SLC16A12: variants seen among roughly 807,000 people sequenced by gnomAD.
SLC16A12 encodes monocarboxylate transporter 12.
Under a neutral mutation model 42.4 loss-of-function variants are expected in SLC16A12, and 17 were observed. The ratio of observed to expected loss-of-function variants is 0.40; its 90% confidence interval spans 0.27 to 0.60. The LOEUF (loss-of-function observed/expected upper bound fraction) is 0.60, where lower values mean the gene tolerates loss of function less well. SLC16A12 is among the 20% of genes least tolerant of loss of function. The pLI is 0.42. For missense variants in SLC16A12, 544 were observed against 623.0 expected (o/e 0.87, Z 1.35); for synonymous variants, 224 against 229.4 (o/e 0.98, Z 0.21).
rs1841705318 is a variant in SLC16A12, at chr10:89,432,228, G to T, written c.*836C>A. 1 of 152,604 alleles carries T rather than the reference G, an allele frequency of 6.6e-6. No homozygotes were observed. The highest frequency in any genetic ancestry group is 2.1e-4 in the South Asian group (1 of 4,832). 9.5% of individuals were successfully genotyped at this position (152,604 alleles called of 1,614,324 possible). A position where few individuals can be genotyped will look rare whatever the true frequency, so the allele number is the denominator to read the frequency against. ...TTGACATTTCAGGTAAGATTGAGAGGTTGTCCTTGTGACTAAGTGTGTTCT... is the reference window on the plus strand; with the variant it reads ...TTGACATTTCAGGTAAGATTGAGAGTTTGTCCTTGTGACTAAGTGTGTTCT... On this transcript the variant is annotated 3_prime_UTR_variant, in exon 8 of 8. Transcript: ENST00000371790.
At chr10:89,472,770 G>A (rs1842520801) in intron 2 of SLC16A12, among the ~76,000 whole-genome samples, 1 of 151,544 alleles carries the variant, frequency 6.6e-6, no homozygotes, top group Admixed American at 6.6e-5. Flanking sequence ...TAGGATTACA[G>A]GTGTGAGCCA....
At chr10:89,527,520 G>T (rs1173743461) in intron 2 of SLC16A12, among the ~76,000 whole-genome samples, 2 of 151,702 alleles carry the variant, frequency 1.3e-5, no homozygotes, top group Non-Finnish European at 2.9e-5. Context: ...TAAGGGGCTG[G>T]CATGGTAGCT....
At chr10:89,517,863 C>A (rs745921148) in intron 2 of SLC16A12, among the ~76,000 whole-genome samples, 1 of 152,130 alleles carries the variant, frequency 6.6e-6, no homozygotes, top group Non-Finnish European at 1.5e-5. Context: ...CCCCCTATTA[C>A]AACTTTTCAA....
At chr10:89,529,503 T>C (rs1214098367) in intron 2 of SLC16A12, among the ~76,000 whole-genome samples, 1 of 151,646 alleles carries the variant, frequency 6.6e-6, no homozygotes, top group South Asian at 2.1e-4. Flanking sequence ...CTGATTTTTA[T>C]GGTGATTCAG....
At chr10:89,555,824 T>A (rs1843811757) in intron 2 of SLC16A12, 1 of 150,846 alleles carries the variant, frequency 6.6e-6, no homozygotes, top group Non-Finnish European at 1.5e-5. Context: ...ATTGAACCAG[T>A]GTGAGGACAG....
At chr10:89,532,778 A>G (rs901770703) in intron 2 of SLC16A12, among the ~76,000 whole-genome samples, 2 of 152,240 alleles carry the variant, frequency 1.3e-5, no homozygotes, top group Non-Finnish European at 2.9e-5. Context: ...CAATTGAGAG[A>G]ATTAGAAAAT....
chr10:89,505,800 C>T (rs1037833093), intron 2 of SLC16A12, among the ~76,000 whole-genome samples: 3 of 152,204 alleles, frequency 2.0e-5, no homozygotes, highest in Non-Finnish European at 4.4e-5. Context: ...GCAGGTTCCA[C>T]GCCCACAGAG....
intron 6 of SLC16A12, among the ~76,000 whole-genome samples, chr10:89,438,082 T>C (rs1428621701): frequency 1.3e-5 from 2 of 152,208 alleles, no homozygotes; most frequent in Non-Finnish European, 2.9e-5. Flanking sequence ...GCTTGAGGAC[T>C]GACTTGTCTT....
intron 2 of SLC16A12, among the ~76,000 whole-genome samples, chr10:89,483,454 G>C (rs968099188): frequency 4.6e-5 from 7 of 152,144 alleles, no homozygotes; most frequent in African/African-American, 1.7e-4. Flanking sequence ...TTAGAAAGAT[G>C]ATGATTTTTG....
chr10:89,465,494 A>T (rs548418661), intron 2 of SLC16A12, among the ~76,000 whole-genome samples: 1 of 152,266 alleles, frequency 6.6e-6, no homozygotes, highest in South Asian at 2.1e-4. Flanking sequence ...TAACCCTCTA[A>T]AGGTGTCCTT....
At chr10:89,545,054 C>T (rs1324151802) in intron 2 of SLC16A12, among the ~76,000 whole-genome samples, 1 of 152,178 alleles carries the variant, frequency 6.6e-6, no homozygotes, top group Non-Finnish European at 1.5e-5. Context: ...AAATCCTGCA[C>T]TGCTATGAGA....
chr10:89,523,998 T>A (rs1843406273), intron 2 of SLC16A12, among the ~76,000 whole-genome samples: 1 of 152,226 alleles, frequency 6.6e-6, no homozygotes, highest in African/African-American at 2.4e-5. Context: ...TCTTTCCCTT[T>A]TCCTCAGGAA....
intron 2 of SLC16A12, among the ~76,000 whole-genome samples, chr10:89,476,359 G>A (rs76918752): frequency 0.013 from 1,989 of 152,248 alleles, 22 homozygotes; most frequent in Middle Eastern, 0.037. Flanking sequence ...AATGGGAGGG[G>A]CAATGAGTCC....
At chr10:89,534,661 A>C (rs1843620116) in intron 1 of SLC16A12, 21 bp from the exon 2 acceptor site, 1 of 148,954 alleles carries the variant, frequency 6.7e-6, no homozygotes, top group South Asian at 2.1e-4. Flanking sequence ...AAAAAAAAAA[A>C]AAAAAAAAAA....
intron 2 of SLC16A12, among the ~76,000 whole-genome samples, chr10:89,516,603 T>A (rs1251646585): frequency 6.6e-6 from 1 of 152,216 alleles, no homozygotes; most frequent in African/African-American, 2.4e-5. Flanking sequence ...AAGTGAAATT[T>A]TAGCTCAGTT....
At chr10:89,524,108 C>T (rs1033341269) in intron 2 of SLC16A12, among the ~76,000 whole-genome samples, 1 of 152,122 alleles carries the variant, frequency 6.6e-6, no homozygotes, top group African/African-American at 2.4e-5. Context: ...GCATTTCTAC[C>T]ACATGCCTTA....
At chr10:89,468,318 GATCCTCACC>G (rs1223603089) in intron 2 of SLC16A12, among the ~76,000 whole-genome samples, 8 of 152,250 alleles carry the variant, frequency 5.3e-5, no homozygotes, top group East Asian at 3.9e-4. Context: ...AAGCGCACTC[GATCCTCACC>G]ATCCTCAGGG....
In SLC16A12 at chr10:89,482,617, C is replaced by CA. The variant is rs1842683284; in HGVS notation, c.-46-19994dup. Among the ~76,000 whole-genome samples, 4 of 151,600 alleles carry CA rather than the reference C, an allele frequency of 2.6e-5. No homozygotes were observed. The South Asian group carries it at 8.3e-4, about 32-fold the overall frequency. On this transcript the variant is annotated intron_variant, in intron 2 of 7. Transcript: ENST00000371790. The stretch of plus-strand genomic sequence containing the variant: ...GCAACATAGCAAGACCCTGTCTCTA[C>CA]AAAAAATACAAAAAAAAATTCCCAG...
In SLC16A12 at chr10:89,432,564, G is replaced by T. The variant is rs1412089268; in HGVS notation, c.*500C>A. 1 of 153,064 alleles carries T rather than the reference G, an allele frequency of 6.5e-6. No individual in the cohort carries two copies. The highest frequency in any genetic ancestry group is 1.5e-5 in the Non-Finnish European group (1 of 68,814). The allele number at this position is 153,064 out of a possible 1,614,324, so 9.5% of individuals were successfully genotyped here. ...ACAATCCCAAGTAAAACCCTAATGA[G>T]AAACTCCACCATGAAAAAGTATGGC... On this transcript the variant is annotated 3_prime_UTR_variant, in exon 8 of 8. Transcript: ENST00000371790.
Sources: gnomAD v4.1 joint callset for allele counts (sites outside exome capture counted in the v4.1 genomes callset) on GRCh38, gnomAD v4.1.1 for gene constraint, MANE v1.5 for transcripts, NCBI Gene and HGNC (gene_info 2026-07-23, HGNC 2026-07-21) for gene names.